Variants in MIA2 observed in about 807,000 individuals in gnomAD.
The protein encoded by MIA2 is melanoma inhibitory activity protein 2.
Under a neutral mutation model 167.8 loss-of-function variants are expected in MIA2, and 127 were observed. The ratio of observed to expected loss-of-function variants is 0.76; its 90% CI spans 0.66 to 0.88. The LOEUF is 0.88. Ranked by LOEUF, MIA2 falls within the 40% of genes least tolerant of loss-of-function variation. The pLI is 0.00. For missense variants in MIA2, 1,690 were observed against 1,624.7 expected, an observed-to-expected ratio of 1.04 and a Z score of -0.69; for synonymous variants, 552 against 541.9, an observed-to-expected ratio of 1.02 and a Z score of -0.26.
At chr14:39,305,061 T>G (rs1015180920) in intron 17 of MIA2, among the ~76,000 whole-genome samples, 2 of 152,190 alleles carry the variant, frequency 1.3e-5, no homozygotes, top group African/African-American at 2.4e-5. Flanking sequence ...AATATGGGAT[T>G]ATGGGCAGAT....
At chr14:39,378,642 A>G (rs2075092206) in intron 23 of MIA2, among the ~76,000 whole-genome samples, 1 of 152,242 alleles carries the variant, frequency 6.6e-6, no homozygotes, top group Non-Finnish European at 1.5e-5. Context: ...AACATACACT[A>G]AAACATCAGA....
intron 27 of MIA2, 47 bp downstream of exon 27, chr14:39,347,818 CTTT>C (rs59832680): frequency 0.013 from 9,081 of 700,552 alleles, 3 homozygotes; most frequent in Middle Eastern, 0.015. Flanking sequence ...CAGAAGCCTT[CTTT>C]TTTTTTTTTT....
Position 39,248,140 on chromosome 14 carries a change from A to T in MIA2, c.1566A>T (p.Ser522=). ...VMIFKSSYSL[S]DMVSNIELPT... Reference sequence around the variant, plus strand: ...TATTCAAAAGTTCATACAGTCTGTCAGGTTGGTATGAAAATATTTACATTA... The same window carrying T: ...TATTCAAAAGTTCATACAGTCTGTCTGGTTGGTATGAAAATATTTACATTA... The change falls in exon 4 of 29, where the codon TCA becomes TCT. Residue 522 remains serine (S), a splice_region_variant and synonymous_variant. Coordinates refer to ENST00000640607, the MANE Select transcript of MIA2 (RefSeq NM_001329214.4). 7.2e-7 allele frequency: 1 copy of T among 1,398,088 alleles called. No individual in the cohort carries two copies. Among genetic ancestry groups the T allele is most frequent in the Non-Finnish European group, 9.5e-7 (1 of 1,049,314 alleles). The allele number at this position is 1,398,088 out of a possible 1,614,324, so 86.6% of individuals were successfully genotyped here. A position where few individuals can be genotyped will look rare whatever the true frequency, so the allele number is the denominator to read the frequency against.
chr14:39,245,728 A>G (rs2054272593), intron 3 of MIA2, among the ~76,000 whole-genome samples: 1 of 152,166 alleles, frequency 6.6e-6, no homozygotes, highest in South Asian at 2.1e-4. Flanking sequence ...ACAGGCGCTG[A>G]ACTGGTGGTC....
At chr14:39,340,438 A>G (rs963768311) in intron 25 of MIA2, among the ~76,000 whole-genome samples, 3 of 152,224 alleles carry the variant, frequency 2.0e-5, no homozygotes, top group Non-Finnish European at 4.4e-5. Context: ...TCCTTGGGAA[A>G]CAAAAGTGTG....
intron 6 of MIA2, among the ~76,000 whole-genome samples, chr14:39,263,678 C>T (rs1281106801): frequency 7.1e-6 from 1 of 141,626 alleles, no homozygotes; most frequent in African/African-American, 2.7e-5. Flanking sequence ...GTCACCGAGG[C>T]TGGAGTGCAG....
intron 25 of MIA2, among the ~76,000 whole-genome samples, chr14:39,342,821 CG>C (rs1212130151): frequency 6.6e-6 from 1 of 151,916 alleles, no homozygotes; most frequent in Admixed American, 6.6e-5. Context: ...ATGAGTTTAG[CG>C]TGTGTAAACT....
At chr14:39,253,047 A>T in intron 5 of MIA2, 24 bp from the exon 6 acceptor site, 1 of 1,569,126 alleles carries the variant, frequency 6.4e-7, no homozygotes, top group Non-Finnish European at 8.7e-7. Flanking sequence ...TCATGCTAAC[A>T]TATTTTTATT....
At chr14:39,381,313 G>A (rs1309465739) in intron 23 of MIA2, among the ~76,000 whole-genome samples, 1 of 152,148 alleles carries the variant, frequency 6.6e-6, no homozygotes, top group East Asian at 1.9e-4. Flanking sequence ...AAAGATTCTA[G>A]GAGAGAAAGA....
chr14:39,261,419 T>C (rs543595788), intron 6 of MIA2, among the ~76,000 whole-genome samples: 1 of 152,302 alleles, frequency 6.6e-6, no homozygotes, highest in African/African-American at 2.4e-5. Context: ...TTCCAAGTCT[T>C]TGCTAATGTG....
At chr14:39,357,699 C>T (rs1264660281) in intron 23 of MIA2, among the ~76,000 whole-genome samples, 1 of 152,158 alleles carries the variant, frequency 6.6e-6, no homozygotes, top group Admixed American at 6.5e-5. Context: ...ACAGGTTGTT[C>T]CTTTCCATGT....
intron 3 of MIA2, among the ~76,000 whole-genome samples, chr14:39,245,903 A>T (rs1450160470): frequency 6.6e-6 from 1 of 152,104 alleles, no homozygotes; most frequent in East Asian, 1.9e-4. Context: ...TTGGGGACAC[A>T]GTCAAACCAT....
At chr14:39,387,351 G>A (rs1253992063) in exon 24 of MIA2, 1 of 163,410 alleles carries the variant, frequency 6.1e-6, no homozygotes, top group African/African-American at 2.4e-5. Flanking sequence ...CCATTCCATG[G>A]AATCCATGGA....
intron 7 of MIA2, among the ~76,000 whole-genome samples, 191 bp from the exon 8 acceptor site, chr14:39,279,146 G>A (rs1183370672): frequency 9.0e-6 from 1 of 111,256 alleles, no homozygotes; most frequent in African/African-American, 3.6e-5. Flanking sequence ...GGGAGACAGA[G>A]CAAGACTCTG....
chr14:39,354,670 CTTCTAGGGTTTT>C (rs2074476136), downstream of MIA2, among the ~76,000 whole-genome samples: 1 of 152,134 alleles, frequency 6.6e-6, no homozygotes, highest in African/African-American at 2.4e-5. Context: ...CCTAGGTTTT[CTTCTAGGGTTTT>C]TATGGTTTTA....
At chr14:39,330,728 A>G (rs1204207590) in intron 25 of MIA2, among the ~76,000 whole-genome samples, 1 of 152,176 alleles carries the variant, frequency 6.6e-6, no homozygotes, top group Non-Finnish European at 1.5e-5. Flanking sequence ...TTTACCTAGT[A>G]GTCATTCAGG....
intron 6 of MIA2, among the ~76,000 whole-genome samples, chr14:39,255,811 A>G (rs1216049736): frequency 6.6e-6 from 1 of 152,246 alleles, no homozygotes; most frequent in East Asian, 1.9e-4. Flanking sequence ...GACTCAGTAA[A>G]CATAGTCAAA....
chr14:39,354,618 G>T (rs993118324), downstream of MIA2, among the ~76,000 whole-genome samples: 1 of 152,166 alleles, frequency 6.6e-6, no homozygotes, highest in African/African-American at 2.4e-5. Flanking sequence ...TGGTGTTTTA[G>T]ACATGAGATC....
intron 2 of MIA2, among the ~76,000 whole-genome samples, 198 bp from the exon 3 acceptor site, chr14:39,240,363 T>C (rs1220246556): frequency 6.6e-6 from 1 of 152,210 alleles, no homozygotes; most frequent in Non-Finnish European, 1.5e-5. Context: ...GATTTGGCTC[T>C]TTGTTCCTTA....
Sources: allele counts gnomAD v4.1 joint callset (sites outside exome capture counted in the v4.1 genomes callset), GRCh38; gene constraint gnomAD v4.1.1; transcripts MANE v1.5; gene names NCBI Gene and HGNC (gene_info 2026-07-23, HGNC 2026-07-21).